The following RGS7 variants were observed in gnomAD, a reference collection of about 807,000 sequenced individuals.
The protein encoded by RGS7 is regulator of G protein signaling 7, also known as regulator of G-protein signaling 7.
In RGS7, 27 loss-of-function variants were observed where a neutral mutation model predicts 81.1. The observed-to-expected ratio is 0.33, with a 90% confidence interval of 0.25 to 0.46. RGS7 has a LOEUF of 0.46. Among genes scored for constraint, RGS7 ranks in the 20% least tolerant of loss-of-function variants. The pLI is 1.00. For synonymous variants in RGS7, 208 were observed against 207.7 expected (o/e 1.00, Z -0.01); for missense variants, 396 against 607.4 (o/e 0.65, Z 3.66).
intron 3 of RGS7, among the ~76,000 whole-genome samples, chr1:241,049,906 A>G (rs1174448193): frequency 1.1e-4 from 17 of 152,138 alleles, no homozygotes; most frequent in Admixed American, 1.1e-3. Flanking sequence ...GCTATTTTAT[A>G]AACACCAAGA....
At chr1:241,256,756 A>G (rs1167904491) in intron 2 of RGS7, among the ~76,000 whole-genome samples, 1 of 152,088 alleles carries the variant, frequency 6.6e-6, no homozygotes, top group Non-Finnish European at 1.5e-5. Context: ...CCCAACCAGG[A>G]GGGCTTCACA....
At chr1:241,147,087 C>T (rs1180628493) in intron 2 of RGS7, among the ~76,000 whole-genome samples, 1 of 152,130 alleles carries the variant, frequency 6.6e-6, no homozygotes, top group Non-Finnish European at 1.5e-5. Flanking sequence ...ACACTTGAAG[C>T]ATCCCTGGTG....
chr1:241,290,960 A>G (rs1177037187), intron 2 of RGS7, among the ~76,000 whole-genome samples: 1 of 152,212 alleles, frequency 6.6e-6, no homozygotes, highest in Admixed American at 6.5e-5. Context: ...TGGCACCGGT[A>G]AAGTGTCAGG....
chr1:240,816,961 C>T (rs1050080948), intron 10 of RGS7, among the ~76,000 whole-genome samples: 1 of 152,180 alleles, frequency 6.6e-6, no homozygotes, highest in African/African-American at 2.4e-5. Context: ...ATTTACTTCA[C>T]AACACTAGCC....
chr1:240,949,302 T>C (rs1477638665), intron 4 of RGS7, among the ~76,000 whole-genome samples: 3 of 152,224 alleles, frequency 2.0e-5, no homozygotes, highest in Non-Finnish European at 4.4e-5. Flanking sequence ...TATTTACTCA[T>C]ACCAGGTTTT....
At chr1:240,877,371 C>T (rs970424392) in intron 6 of RGS7, among the ~76,000 whole-genome samples, 18 of 149,674 alleles carry the variant, frequency 1.2e-4, no homozygotes, top group African/African-American at 4.2e-4. Flanking sequence ...CATTATAATA[C>T]CATTTCTGTC....
intron 4 of RGS7, among the ~76,000 whole-genome samples, chr1:240,944,783 C>T (rs947464446): frequency 6.6e-6 from 1 of 152,162 alleles, no homozygotes; most frequent in East Asian, 1.9e-4. Flanking sequence ...GCGCGATCTT[C>T]GCTCACTGCA....
intron 16 of RGS7, among the ~76,000 whole-genome samples, chr1:240,802,287 G>A (rs1402094511): frequency 6.6e-6 from 1 of 152,114 alleles, no homozygotes; most frequent in Admixed American, 6.6e-5. Context: ...GATTACATAA[G>A]GAGTTATGAA....
At chr1:240,900,797 G>C (rs920950103) in intron 6 of RGS7, among the ~76,000 whole-genome samples, 1 of 152,172 alleles carries the variant, frequency 6.6e-6, no homozygotes, top group African/African-American at 2.4e-5. Flanking sequence ...TCTGTGCTGG[G>C]AGAAGCACTA....
At chr1:241,117,171 C>T (rs2065936449) in intron 2 of RGS7, among the ~76,000 whole-genome samples, 1 of 152,194 alleles carries the variant, frequency 6.6e-6, no homozygotes, top group Admixed American at 6.5e-5. Flanking sequence ...ACACAGTCCA[C>T]TCTCAGGGGA....
intron 3 of RGS7, among the ~76,000 whole-genome samples, chr1:241,018,133 A>ATTTTT (rs34587479): frequency 8.7e-5 from 10 of 114,408 alleles, no homozygotes; most frequent in Non-Finnish European, 1.2e-4. Context: ...TGCCCAGCTA[A>ATTTTT]TTTTTTTTTT....
chr1:241,046,476 G>A (rs2060937584), intron 3 of RGS7, among the ~76,000 whole-genome samples: 1 of 152,124 alleles, frequency 6.6e-6, no homozygotes, highest in Admixed American at 6.5e-5. Flanking sequence ...TAGCCAAAGG[G>A]GAAAAGTGGC....
intron 6 of RGS7, among the ~76,000 whole-genome samples, chr1:240,870,401 A>G (rs557683614): frequency 6.6e-6 from 1 of 152,134 alleles, no homozygotes; most frequent in Non-Finnish European, 1.5e-5. Flanking sequence ...GTGTAGTGGT[A>G]AGATCCTTGT....
intron 3 of RGS7, chr1:240,998,781 G>C: frequency 1.5e-6 from 1 of 686,634 alleles, no homozygotes; most frequent in Non-Finnish European, 2.7e-6. Context: ...GGCGAGCTGG[G>C]AGACGAAGGC....
At chr1:240,972,440 G>A (rs1171026020) in intron 4 of RGS7, among the ~76,000 whole-genome samples, 5 of 143,680 alleles carry the variant, frequency 3.5e-5, no homozygotes, top group Middle Eastern at 3.5e-3. Context: ...GTAAACTATC[G>A]CAAGAACAAA....
At chr1:241,096,956 C>T (rs1037728242) in intron 3 of RGS7, among the ~76,000 whole-genome samples, 3 of 152,124 alleles carry the variant, frequency 2.0e-5, no homozygotes, top group Admixed American at 2.0e-4. Flanking sequence ...TCACCCCTTT[C>T]ATTAGCTCAT....
intron 4 of RGS7, among the ~76,000 whole-genome samples, chr1:240,979,375 C>T (rs1245194172): frequency 1.3e-5 from 2 of 151,956 alleles, no homozygotes; most frequent in Non-Finnish European, 2.9e-5. Context: ...CCGAAATAAG[C>T]TTAGTAAGAA....
At chr1:241,018,278 C>G (rs1263846360) in intron 3 of RGS7, among the ~76,000 whole-genome samples, 1 of 151,888 alleles carries the variant, frequency 6.6e-6, no homozygotes, top group Non-Finnish European at 1.5e-5. Flanking sequence ...CCACCATACC[C>G]TGCCTCGCCT....
chr1:241,053,195 G>C (rs1157339868), intron 3 of RGS7, among the ~76,000 whole-genome samples: 1 of 152,084 alleles, frequency 6.6e-6, no homozygotes, highest in East Asian at 1.9e-4. Context: ...AGCTCTTCTT[G>C]TTCTTAGATG....
Sources: allele counts gnomAD v4.1 joint callset (sites outside exome capture counted in the v4.1 genomes callset), GRCh38; gene constraint gnomAD v4.1.1; transcripts MANE v1.5; gene names NCBI Gene and HGNC (gene_info 2026-07-23, HGNC 2026-07-21).